The following HMGXB3 variants were observed in gnomAD, a reference collection of about 807,000 sequenced individuals.
HMGXB3 encodes HMG-box containing 3.
Under a neutral mutation model 121.5 loss-of-function variants are expected in HMGXB3, and 45 were observed. The observed-to-expected ratio is 0.37, with a 90% confidence interval of 0.29 to 0.47. The LOEUF is 0.47. Among genes scored for constraint, HMGXB3 ranks in the 20% least tolerant of loss-of-function variants. HMGXB3 has a pLI of 0.99. For missense variants in HMGXB3, 1,376 were observed against 1,602.2 expected (o/e 0.86, Z 2.41); for synonymous variants, 590 against 624.1 (o/e 0.95, Z 0.81).
chr5:150,039,664 A>G (rs897318796), intron 13 of HMGXB3, among the ~76,000 whole-genome samples: 5 of 151,532 alleles, frequency 3.3e-5, no homozygotes, highest in Admixed American at 6.6e-5. Context: ...CTCCCAGTTT[A>G]TCGCTCTATT....
rs1218691292 is a variant in HMGXB3, at chr5:150,024,254, T to C, written c.1042-8T>C. The C allele has an allele frequency of 1.3e-6, 2 of 1,514,556 alleles. No homozygotes were observed. Among genetic ancestry groups the C allele is most frequent in the Admixed American group, 4.7e-5 (2 of 42,598 alleles). 93.8% of individuals were successfully genotyped at this position (1,514,556 alleles called of 1,614,324 possible). ...CCTTATGTATACAAGGTATTCTTAT[T>C]TTTCTAGGAAAAGCCAGCCAAAGTA... On this transcript the variant is annotated splice_region_variant and splice_polypyrimidine_tract_variant and intron_variant, in intron 6 of 19. Coordinates refer to ENST00000502717, the MANE Select transcript of HMGXB3 (RefSeq NM_014983.3).
At position 150,052,297 on chromosome 5, in the gene HMGXB3, G is replaced by A. The variant is rs1561895169; in HGVS notation, c.*105G>A. 1 of 916,770 alleles carries A rather than the reference G, an allele frequency of 1.1e-6. No homozygotes were observed. The highest frequency in any genetic ancestry group is 1.6e-6 in the Non-Finnish European group (1 of 614,798). 56.8% of individuals were successfully genotyped at this position (916,770 alleles called of 1,614,324 possible). A position where few individuals can be genotyped will look rare whatever the true frequency, so the allele number is the denominator to read the frequency against. Reference sequence around the variant, plus strand: ...CTGCAGAAGTGGTCTCCTGTGGGGAGGGCCTCTGACTGCTGGGACTGACCA... The same window carrying A: ...CTGCAGAAGTGGTCTCCTGTGGGGAAGGCCTCTGACTGCTGGGACTGACCA... On this transcript the variant is annotated 3_prime_UTR_variant, in exon 20 of 20. Coordinates refer to ENST00000502717, the MANE Select transcript of HMGXB3 (RefSeq NM_014983.3).
At chr5:150,031,785 G>C (rs1430316388) in intron 10 of HMGXB3, among the ~76,000 whole-genome samples, 1 of 152,114 alleles carries the variant, frequency 6.6e-6, no homozygotes, top group Non-Finnish European at 1.5e-5. Context: ...TCTGTACTGG[G>C]GATTCAGTAG....
intron 9 of HMGXB3, among the ~76,000 whole-genome samples, chr5:150,029,814 T>C (rs1263229647): frequency 6.6e-6 from 1 of 152,244 alleles, no homozygotes; most frequent in Admixed American, 6.5e-5. Flanking sequence ...GGCTTTTACT[T>C]TGAGAACTGT....
intron 19 of HMGXB3, 130 bp downstream of exon 19, chr5:150,050,591 C>T (rs1242419419): frequency 3.0e-6 from 2 of 669,734 alleles, no homozygotes; most frequent in African/African-American, 1.8e-5. Context: ...AAGCAGTTCT[C>T]GTGCCTCAGC....
Position 150,036,862 on chromosome 5 carries a change from C to T in HMGXB3, c.2210C>T (p.Ser737Phe). The T allele has an allele frequency of 1.3e-6, 2 of 1,551,704 alleles. No homozygotes were observed. The highest frequency in any genetic ancestry group is 1.7e-6 in the Non-Finnish European group (2 of 1,146,976). ...SEETVTIEQT[S>F]WSNYYESPST... ...GAGACAGTCACCATCGAGCAAACCT[C>T]TTGGTCGAATTATTATGAGTCTCCG... The change falls in exon 12 of 20, where the codon TCT becomes TTT. Residue 737 changes from serine to phenylalanine, a missense_variant. This residue lies in a region of HMGXB3 where 1,116 missense variants were observed against 1,369.0 expected (regional missense o/e 0.82). Transcript: ENST00000502717.
At position 150,010,351 on chromosome 5, in the gene HMGXB3, G is replaced by A. The variant is rs1755799369; in HGVS notation, c.553G>A (p.Val185Met). Residue 185 changes from valine (V) to methionine (M), a missense_variant, in exon 4 of 20, where the codon GTG (valine) becomes ATG (methionine). By Grantham distance (21) the Val-to-Met change is conservative (BLOSUM62 1). Coordinates refer to ENST00000502717, the MANE Select transcript of HMGXB3 (RefSeq NM_014983.3). ...HAGMAEQCLA[V>M]EALAEEVGAL... The stretch of plus-strand genomic sequence containing the variant: ...AGGCATGGCAGAGCAGTGCCTGGCT[G>A]TGGAGGCCCTGGCTGAGGAGGTGGG... The A allele has an allele frequency of 6.4e-7, 1 of 1,551,592 alleles. No individual in the cohort carries two copies. The highest frequency in any genetic ancestry group is 1.2e-5 in the South Asian group (1 of 84,064).
chr5:150,020,542 G>T (rs2113737160), intron 6 of HMGXB3, among the ~76,000 whole-genome samples: 1 of 151,896 alleles, frequency 6.6e-6, no homozygotes, highest in East Asian at 1.9e-4. Context: ...TCTTGTATGT[G>T]TGGCTTTCTT....
intron 15 of HMGXB3, 34 bp from the exon 16 acceptor site, chr5:150,045,432 C>A (rs762896001): frequency 1.7e-5 from 26 of 1,505,934 alleles, no homozygotes; most frequent in Non-Finnish European, 2.4e-5. Flanking sequence ...TCTGTGACTC[C>A]CACAGTTTGA....
intron 16 of HMGXB3, 85 bp from the exon 17 acceptor site, chr5:150,047,539 C>T (rs1756786688): frequency 6.7e-7 from 1 of 1,499,700 alleles, no homozygotes; most frequent in South Asian, 1.3e-5. Context: ...GAGCTGGCTT[C>T]CACTGTTTGC....
At chr5:150,038,508 G>T (rs961939778) in intron 13 of HMGXB3, among the ~76,000 whole-genome samples, 1 of 152,142 alleles carries the variant, frequency 6.6e-6, no homozygotes, top group Non-Finnish European at 1.5e-5. Context: ...CATAAGTTCT[G>T]ACAGATGCAC....
intron 17 of HMGXB3, 126 bp downstream of exon 17, chr5:150,047,883 G>C: frequency 9.7e-7 from 1 of 1,026,086 alleles, no homozygotes. Context: ...GGCAGTCAGG[G>C]ATGCCTAGGA....
intron 13 of HMGXB3, among the ~76,000 whole-genome samples, chr5:150,040,300 T>A (rs1247287851): frequency 6.6e-6 from 1 of 152,222 alleles, no homozygotes; most frequent in Non-Finnish European, 1.5e-5. Flanking sequence ...TTCTTTTTAA[T>A]GCTTTCTATT....
At chr5:150,021,332 T>C (rs17712200) in intron 6 of HMGXB3, among the ~76,000 whole-genome samples, 2,395 of 152,314 alleles carry the variant, frequency 0.016, 36 homozygotes, top group Non-Finnish European at 0.024. Context: ...GAAAAATAGA[T>C]TTTGAAAAAG....
rs1755661416 is a variant in HMGXB3 at position 150,004,962 on chromosome 5, T to A, written c.110T>A (p.Ile37Lys). Residue 37 changes from isoleucine to lysine, a missense_variant, in exon 2 of 20, where the codon ATA (isoleucine) becomes AAA (lysine). Physicochemically the swap from Ile to Lys is moderately radical, Grantham distance 102. This residue lies in a region of HMGXB3 where 1,116 missense variants were observed against 1,369.0 expected (regional missense o/e 0.82). Coordinates refer to ENST00000502717, the MANE Select transcript of HMGXB3 (RefSeq NM_014983.3). ...GPPKKKKKYK[I>K]HGEKTKKPRS... Reference sequence around the variant, plus strand: ...CCCAAGAAGAAGAAAAAGTATAAAATACATGGAGAAAAGACAAAGAAACCC... The same window carrying A: ...CCCAAGAAGAAGAAAAAGTATAAAAAACATGGAGAAAAGACAAAGAAACCC... 1 of 1,550,642 alleles carries A rather than the reference T, an allele frequency of 6.4e-7. No homozygotes were observed. The highest frequency in any genetic ancestry group is 2.0e-5 in the Admixed American group (1 of 50,636).
chr5:150,018,598 A>G lies in HMGXB3; in HGVS notation c.942A>G (p.Thr314=), dbSNP rs1756012537. ...CATATACCCGCCGGGGCCATGGGACATGCACCAGCCCAGGGTGCTCCTTTA... is the reference window on the plus strand; with the variant it reads ...CATATACCCGCCGGGGCCATGGGACGTGCACCAGCCCAGGGTGCTCCTTTA... ...TTTYTRRGHG[T]CTSPGCSFTY... Residue 314 remains threonine, a synonymous_variant, in exon 6 of 20, where the codon ACA becomes ACG. Transcript: ENST00000502717. The G allele has an allele frequency of 6.4e-7, 1 of 1,550,730 alleles. No homozygotes were observed. Among genetic ancestry groups the G allele is most frequent in the South Asian group, 1.2e-5 (1 of 83,732 alleles).
chr5:150,032,940 G>A (rs116941982), intron 11 of HMGXB3, among the ~76,000 whole-genome samples: 4 of 152,326 alleles, frequency 2.6e-5, no homozygotes, highest in East Asian at 1.9e-4. Context: ...TACAAGACCT[G>A]TAAGTTGATT....
chr5:150,030,383 AC>A (rs1756344415), intron 9 of HMGXB3: 1 of 174,682 alleles, frequency 5.7e-6, no homozygotes, highest in Admixed American at 6.0e-5. Context: ...TTACCCTGTG[AC>A]ATTTTAGTGA....
intron 3 of HMGXB3, among the ~76,000 whole-genome samples, chr5:150,008,949 T>G (rs1755769494): frequency 6.6e-6 from 1 of 152,244 alleles, no homozygotes; most frequent in South Asian, 2.1e-4. Flanking sequence ...CTTTATGCCT[T>G]AAGTAGTCTC....
Sources: allele counts gnomAD v4.1 joint callset (sites outside exome capture counted in the v4.1 genomes callset), GRCh38; gene constraint gnomAD v4.1.1; regional missense constraint gnomAD v4.1.1; transcripts MANE v1.5; gene names NCBI Gene and HGNC (gene_info 2026-07-23, HGNC 2026-07-21).